IL9R: variants seen among roughly 807,000 people sequenced by gnomAD.
The protein encoded by IL9R is interleukin-9 receptor.
Under a neutral mutation model 56.3 loss-of-function variants are expected in IL9R, and 54 were observed. The ratio of observed to expected loss-of-function variants is 0.96; its 90% CI spans 0.77 to 1.20. The LOEUF (loss-of-function observed/expected upper bound fraction) is 1.20. IL9R is among the 50% of genes most tolerant of loss of function. The pLI, the probability that IL9R is intolerant of heterozygous loss-of-function variation, is 0.00. For missense variants in IL9R, 545 were observed against 629.8 expected (o/e 0.87, Z 1.44); for synonymous variants, 212 against 250.2 (o/e 0.85, Z 1.44).
At chrX:156,001,484 G>T in intron 1 of IL9R, 3 of 1,609,690 alleles carry the variant, frequency 1.9e-6, no homozygotes, top group Non-Finnish European at 2.5e-6. Flanking sequence ...GTGGTTCCAG[G>T]CTGCACGCTC....
intron 5 of IL9R, 122 bp from the exon 6 acceptor site, chrX:156,005,155 TG>T (rs1318026244): frequency 1.3e-6 from 1 of 743,516 alleles, no homozygotes; most frequent in African/African-American, 1.7e-5. Context: ...TGAGTGTGTC[TG>T]TGTGTTAACA....
At position 156,001,291 on chromosome X, in the gene IL9R, C is replaced by G. The variant is rs1205561335; in HGVS notation, c.29-1615C>G. 4.4e-5 allele frequency: 35 copies of G among 787,906 alleles called. No individual in the cohort carries two copies. In the Admixed American group the frequency reaches 5.6e-4, roughly 13 times the overall value. 48.8% of individuals were successfully genotyped at this position (787,906 alleles called of 1,614,324 possible). A position where few individuals can be genotyped will look rare whatever the true frequency, so the allele number is the denominator to read the frequency against. ...CAGTTGTCCATTCTGGGGCCTGGGT[C>G]AGCTCTCAGCTGTGGCCGTTGTGCC... On this transcript the variant is annotated intron_variant, in intron 1 of 8. Coordinates refer to ENST00000244174, the MANE Select transcript of IL9R (RefSeq NM_002186.3).
At chrX:156,001,320 G>A in intron 1 of IL9R, 3 of 907,932 alleles carry the variant, frequency 3.3e-6, no homozygotes, top group South Asian at 1.3e-5. Flanking sequence ...TTGTGCCTGT[G>A]CTTCCCCAGG....
chrX:156,005,464 G>T lies in IL9R; in HGVS notation c.766G>T (p.Ala256Ser). Residue 256 changes from alanine to serine, a missense_variant, in exon 6 of 9, where the codon GCT (alanine) becomes TCT (serine). Around this residue, in one of 2 missense-constraint regions of IL9R, gnomAD observed 431 missense variants for 360.0 expected, o/e 1.20. Transcript: ENST00000244174. Reference sequence around the variant, plus strand: ...GTGGAGCCAGCCTGTGTGCTTCCAGGCTCCCCAGAGACAAGGTGGGCACTG... The same window carrying T: ...GTGGAGCCAGCCTGTGTGCTTCCAGTCTCCCCAGAGACAAGGTGGGCACTG... ...SEWSQPVCFQ[A>S]PQRQGPLIPP... 1 of 1,612,800 alleles carries T rather than the reference G, an allele frequency of 6.2e-7. No homozygotes were observed. The highest frequency in any genetic ancestry group is 8.5e-7 in the Non-Finnish European group (1 of 1,179,718).
At chrX:156,009,266 T>TTGTGTGTGTGTG (rs1569479099) in intron 8 of IL9R, among the ~76,000 whole-genome samples, 1 of 32,748 alleles carries the variant, frequency 3.1e-5, no homozygotes, top group Non-Finnish European at 6.6e-5. Context: ...GTGTGTGTGT[T>TTGTGTGTGTGTG]TGTGTGTGTA....
chrX:156,004,686 G>T (rs1359959022), intron 5 of IL9R, 121 bp downstream of exon 5: 1 of 1,008,786 alleles, frequency 9.9e-7, no homozygotes, highest in African/African-American at 1.6e-5. Flanking sequence ...GAACTAGAGC[G>T]GGGTGTGTGT....
chrX:156,003,580 C>T lies in IL9R; in HGVS notation c.254+20C>T. The T allele has an allele frequency of 6.2e-7, 1 of 1,607,224 alleles. No homozygotes were observed. Among genetic ancestry groups the T allele is most frequent in the South Asian group, 1.1e-5 (1 of 90,894 alleles). On this transcript the variant is annotated intron_variant, in intron 3 of 8. Transcript: ENST00000244174. Reference sequence around the variant, plus strand: ...CACCAGGTGAGCATGGAGGGCCATGCCCACCTGGACAGGGATGAGGGTGAG... The same window carrying T: ...CACCAGGTGAGCATGGAGGGCCATGTCCACCTGGACAGGGATGAGGGTGAG...
At position 156,006,889 on chromosome X, in the gene IL9R, C is replaced by T. The variant is rs987088554; in HGVS notation, c.888-634C>T. On this transcript the variant is annotated intron_variant, in intron 7 of 8. Transcript: ENST00000244174. ...GGGACCTGCTGGAGGCCAATGGGGG[C>T]CAGTGAGGTGCCCACAGGGAGACGA... is the stretch of plus-strand genomic sequence containing the variant. 3.3e-4 allele frequency among the ~76,000 whole-genome samples: 50 copies of T among 149,762 alleles called. 1 individual carries two copies. The highest frequency in any genetic ancestry group is 1.2e-3 in the African/African-American group (49 of 40,518).
At chrX:156,007,309 G>A (rs912272217) in intron 7 of IL9R, among the ~76,000 whole-genome samples, 2 of 148,370 alleles carry the variant, frequency 1.3e-5, no homozygotes, top group African/African-American at 2.5e-5. Context: ...AAGGACGCGC[G>A]CCTCAGTATA....
intron 4 of IL9R, 82 bp downstream of exon 4, chrX:156,003,937 A>T: frequency 7.1e-7 from 1 of 1,410,312 alleles, no homozygotes; most frequent in Non-Finnish European, 9.8e-7. Flanking sequence ...AGGGCCTTGC[A>T]GCCTGTGAGT....
At chrX:156,005,251 A>G in intron 5 of IL9R, 27 bp from the exon 6 acceptor site, 1 of 1,605,594 alleles carries the variant, frequency 6.2e-7, no homozygotes, top group Non-Finnish European at 8.5e-7. Context: ...CACCTTCACC[A>G]CCTGCTAACT....
At position 156,005,262 on chromosome X, in the gene IL9R, G is replaced by C. The variant is rs1056375154; in HGVS notation, c.580-16G>C. On this transcript the variant is annotated splice_polypyrimidine_tract_variant and intron_variant, in intron 5 of 8. Coordinates refer to ENST00000244174, the MANE Select transcript of IL9R (RefSeq NM_002186.3). ...GCCCCACCTTCACCACCTGCTAACT[G>C]TCCCCACCCCCACAGCAGGCCCAGC... is the stretch of plus-strand genomic sequence containing the variant. The C allele has an allele frequency of 5.0e-6, 8 of 1,611,026 alleles. No individual in the cohort carries two copies. The highest frequency in any genetic ancestry group is 6.8e-6 in the Non-Finnish European group (8 of 1,179,116).
chrX:156,004,845 CAT>C (rs1054971746), intron 5 of IL9R, among the ~76,000 whole-genome samples: 4 of 151,792 alleles, frequency 2.6e-5, no homozygotes, highest in African/African-American at 9.7e-5. Flanking sequence ...TGTGCACACT[CAT>C]GTTTGTGTGC....
intron 7 of IL9R, among the ~76,000 whole-genome samples, chrX:156,006,733 G>A (rs752488090): frequency 2.0e-5 from 3 of 152,114 alleles, no homozygotes; most frequent in Non-Finnish European, 2.9e-5. Flanking sequence ...GAGGGTGTGG[G>A]GAGAGGGGTG....
chrX:156,003,456 G>T lies in IL9R; in HGVS notation c.150G>T (p.Arg50Ser), dbSNP rs777493444. The T allele has an allele frequency of 2.4e-5, 39 of 1,610,958 alleles. No homozygotes were observed. The highest frequency in any genetic ancestry group is 3.2e-5 in the Non-Finnish European group (38 of 1,179,058). The change falls in exon 3 of 9, where the codon AGG (arginine) becomes AGT (serine). Residue 50 changes from arginine to serine, a missense_variant. By Grantham distance (110) the Arg-to-Ser change is moderately radical (BLOSUM62 -1). Transcript: ENST00000244174. ...GATGGTCACTGTCTCCAGGGCCAAG[G>T]TCTAGAACCTTCACCTGCCTCACCA... ...VSVTGEGQGP[R>S]SRTFTCLTNN...
intron 1 of IL9R, among the ~76,000 whole-genome samples, chrX:156,000,841 A>T (rs1247542615): frequency 2.0e-5 from 3 of 152,056 alleles, no homozygotes; most frequent in African/African-American, 7.2e-5. Flanking sequence ...TGCCCTCGGG[A>T]AGTTCACAGG....
Position 156,003,030 on chromosome X carries a change from G to C in IL9R, c.142+11G>C. 6.8e-6 allele frequency: 11 copies of C among 1,613,754 alleles called. No individual in the cohort carries two copies. In the Middle Eastern group the frequency reaches 1.8e-3, roughly 269 times the overall value. Reference sequence around the variant, plus strand: ...CAGGGGAAGGACAAGGTGAGGGCTGGGCACTAATGTCTGTATGAGGTGGGT... The same window carrying C: ...CAGGGGAAGGACAAGGTGAGGGCTGCGCACTAATGTCTGTATGAGGTGGGT... On this transcript the variant is annotated intron_variant, in intron 2 of 8. Transcript: ENST00000244174.
chrX:155,997,773 GA>G lies in IL9R; in HGVS notation c.15del (p.Arg5SerfsTer14). The stretch of plus-strand genomic sequence containing the variant: ...CTCAGACTTGTGATGGGACTGGGCA[GA>G]TGCATCTGGGAAGGTGAGTCTGTGC... MGLG[R>X]CIWEGWTLES... On this transcript the variant is annotated frameshift_variant, in exon 1 of 9. Coordinates refer to ENST00000244174, the MANE Select transcript of IL9R (RefSeq NM_002186.3). LOFTEE classifies it high-confidence loss of function. 1 of 1,613,690 alleles carries G rather than the reference GA, an allele frequency of 6.2e-7. No homozygotes were observed. Among genetic ancestry groups the G allele is most frequent in the Non-Finnish European group, 8.5e-7 (1 of 1,179,700 alleles).
In IL9R at chrX:156,003,680, C is replaced by G; in HGVS notation, c.258C>G (p.Asn86Lys). The G allele has an allele frequency of 6.2e-7, 1 of 1,612,970 alleles. No individual in the cohort carries two copies. The highest frequency in any genetic ancestry group is 1.3e-5 in the African/African-American group (1 of 75,048). The stretch of plus-strand genomic sequence containing the variant: ...TGCTGACAAATGCCCTTTCCAGCAA[C>G]CAGGCTCCTGGCGGCACACATAAGT... ...GSSPWLLFTS[N>K]QAPGGTHKCI... is the part of the protein sequence containing the mutation. The change falls in exon 4 of 9, where the codon AAC becomes AAG. Residue 86 changes from asparagine (N) to lysine (K), a missense_variant. This residue lies in a region of IL9R where 431 missense variants were observed against 360.0 expected (regional missense o/e 1.20). Transcript: ENST00000244174.
Sources: gnomAD v4.1 joint callset for allele counts (sites outside exome capture counted in the v4.1 genomes callset) on GRCh38, gnomAD v4.1.1 for gene constraint, gnomAD v4.1.1 regional missense constraint, MANE v1.5 for transcripts, NCBI Gene and HGNC (gene_info 2026-07-23, HGNC 2026-07-21) for gene names.